The following DMD variants were observed in gnomAD, a reference collection of about 807,000 sequenced individuals.
The protein encoded by DMD is mutant dystrophin.
A neutral mutation model predicts 330.1 loss-of-function variants in DMD; 63 were observed. That is an observed-to-expected ratio of 0.19 (90% CI 0.16 to 0.24). DMD has a LOEUF of 0.24. DMD is among the 10% of genes least tolerant of loss of function. The probability of loss-of-function intolerance (pLI) is 1.00; values close to 1 mark genes in which losing one functional copy is unlikely to be tolerated. For missense variants in DMD, 3,344 were observed against 2,684.1 expected (o/e 1.25, Z -5.43); for synonymous variants, 1,223 against 959.8 (o/e 1.27, Z -5.07).
chrX:32,639,114 C>T (rs1023584162), intron 11 of DMD, among the ~76,000 whole-genome samples: 1 of 111,945 alleles, frequency 8.9e-6, no homozygotes, highest in Non-Finnish European at 1.9e-5. Context: ...GTTTTAGTTT[C>T]TGCCTGCATG....
intron 43 of DMD, among the ~76,000 whole-genome samples, chrX:32,232,271 GTAAT>G (rs1341013796): frequency 8.9e-6 from 1 of 112,065 alleles, no homozygotes; most frequent in Non-Finnish European, 1.9e-5. Flanking sequence ...TAGAGATACA[GTAAT>G]TAATTTCAAG....
chrX:31,369,040 G>A (rs919170405), intron 60 of DMD, among the ~76,000 whole-genome samples: 2 of 111,935 alleles, frequency 1.8e-5, no homozygotes, highest in African/African-American at 6.5e-5. Context: ...GACTCTTGGA[G>A]AAGGCAAATG....
At chrX:32,440,737 A>T (rs1191488559) in intron 28 of DMD, among the ~76,000 whole-genome samples, 2 of 112,072 alleles carry the variant, frequency 1.8e-5, no homozygotes, top group African/African-American at 6.4e-5. Context: ...TATCCATTTA[A>T]TAACTCAAAA....
intron 2 of DMD, among the ~76,000 whole-genome samples, chrX:32,925,465 G>A (rs756039490): frequency 2.7e-5 from 3 of 110,548 alleles, no homozygotes; most frequent in Non-Finnish European, 3.8e-5. Context: ...AGCAATTCAC[G>A]CACTTTCAGA....
At chrX:33,254,666 TC>T (rs2052826145) in intron 1 of DMD, among the ~76,000 whole-genome samples, 1 of 110,602 alleles carries the variant, frequency 9.0e-6, no homozygotes, top group South Asian at 3.7e-4. Flanking sequence ...AAAATGTAAA[TC>T]TTATACAGAC....
intron 6 of DMD, 34 bp downstream of exon 6, chrX:32,816,434 T>C: frequency 1.7e-6 from 2 of 1,204,243 alleles, no homozygotes. Context: ...TCACCACTTT[T>C]ACAAGTTATT....
chrX:32,050,720 G>T (rs2096104663), intron 44 of DMD, among the ~76,000 whole-genome samples: 1 of 110,896 alleles, frequency 9.0e-6, no homozygotes, highest in South Asian at 3.7e-4. Flanking sequence ...TTTTCATCCA[G>T]TTCAAAATGC....
chrX:33,070,873 C>A (rs944925627), intron 1 of DMD, among the ~76,000 whole-genome samples: 2 of 107,420 alleles, frequency 1.9e-5, no homozygotes, highest in Non-Finnish European at 3.8e-5. Context: ...GAAAAAAGGG[C>A]CCCCTTAGCC....
chrX:31,303,340 C>G (rs72625571), intron 62 of DMD, among the ~76,000 whole-genome samples: 1 of 110,711 alleles, frequency 9.0e-6, no homozygotes, highest in Non-Finnish European at 1.9e-5. Context: ...TGTCTATTTA[C>G]AGTGCTTTTT....
At chrX:31,340,594 C>T (rs1392304569) in intron 61 of DMD, among the ~76,000 whole-genome samples, 2 of 111,267 alleles carry the variant, frequency 1.8e-5, no homozygotes, top group Non-Finnish European at 3.8e-5. Flanking sequence ...AGCCTTTTCC[C>T]TTAATGTATT....
intron 60 of DMD, among the ~76,000 whole-genome samples, chrX:31,362,653 A>C (rs748205024): frequency 1.9e-4 from 21 of 113,198 alleles, no homozygotes; most frequent in East Asian, 2.8e-4. Flanking sequence ...GAAATAAAAC[A>C]ACAGAGTAAG....
At chrX:33,282,325 T>G (rs2148922539) in intron 1 of DMD, among the ~76,000 whole-genome samples, 1 of 111,823 alleles carries the variant, frequency 8.9e-6, no homozygotes, top group South Asian at 3.8e-4. Flanking sequence ...CTGTGCCTAT[T>G]GGGAACAGAC....
chrX:32,720,112 C>T (rs759353947), intron 7 of DMD, among the ~76,000 whole-genome samples: 3 of 111,523 alleles, frequency 2.7e-5, no homozygotes, highest in Non-Finnish European at 5.7e-5. Flanking sequence ...TTCTATCTGA[C>T]AGAGCCACTC....
At chrX:32,266,948 A>G (rs1477444209) in intron 43 of DMD, among the ~76,000 whole-genome samples, 2 of 111,936 alleles carry the variant, frequency 1.8e-5, no homozygotes, top group African/African-American at 6.5e-5. Context: ...TGCTACATAC[A>G]AAATCCTGAA....
At chrX:32,954,198 T>C (rs1674590981) in intron 2 of DMD, among the ~76,000 whole-genome samples, 1 of 111,838 alleles carries the variant, frequency 8.9e-6, no homozygotes, top group African/African-American at 3.2e-5. Flanking sequence ...ACAGGTTCCT[T>C]TCACCTCAAG....
chrX:32,805,368 T>C (rs1252873816), intron 7 of DMD, among the ~76,000 whole-genome samples: 2 of 111,007 alleles, frequency 1.8e-5, no homozygotes, highest in South Asian at 7.6e-4. Context: ...ATATCAGAGA[T>C]TGAAGATCAA....
At chrX:32,066,124 A>G (rs1332900100) in intron 44 of DMD, among the ~76,000 whole-genome samples, 1 of 111,501 alleles carries the variant, frequency 9.0e-6, no homozygotes, top group Non-Finnish European at 1.9e-5. Context: ...TTAATTGTTC[A>G]ATATTTGTTC....
intron 1 of DMD, among the ~76,000 whole-genome samples, chrX:33,023,541 T>G (rs2093951206): frequency 9.0e-6 from 1 of 111,639 alleles, no homozygotes; most frequent in Admixed American, 9.5e-5. Context: ...TGTAAGGAGA[T>G]CCTTGATGTT....
chrX:32,610,711 G>A (rs1239861940), intron 12 of DMD, among the ~76,000 whole-genome samples: 1 of 110,375 alleles, frequency 9.1e-6, no homozygotes, highest in Non-Finnish European at 1.9e-5. Context: ...AATGGTGATG[G>A]CACAAGGATT....
Sources: allele counts gnomAD v4.1 joint callset (sites outside exome capture counted in the v4.1 genomes callset), GRCh38; gene constraint gnomAD v4.1.1; transcripts MANE v1.5; gene names NCBI Gene and HGNC (gene_info 2026-07-23, HGNC 2026-07-21).